Variants in PTPRD observed in about 807,000 individuals in gnomAD.
PTPRD encodes protein tyrosine phosphatase receptor type D.
Under a neutral mutation model 214.5 loss-of-function variants are expected in PTPRD, and 34 were observed. That is an observed-to-expected ratio of 0.16 (90% CI 0.12 to 0.21). The LOEUF (loss-of-function observed/expected upper bound fraction) is 0.21, where lower values mean the gene tolerates loss of function less well. Ranked by LOEUF, PTPRD falls within the 10% of genes least tolerant of loss-of-function variation. PTPRD has a pLI of 1.00. For missense variants in PTPRD, 2,545 were observed against 2,398.7 expected, an observed-to-expected ratio of 1.06 and a Z score of -1.27; for synonymous variants, 1,128 against 845.7, an observed-to-expected ratio of 1.33 and a Z score of -5.79.
chr9:9,068,566 A>T (rs753213468), intron 10 of PTPRD, among the ~76,000 whole-genome samples: 1 of 152,128 alleles, frequency 6.6e-6, no homozygotes, highest in Non-Finnish European at 1.5e-5. Flanking sequence ...CTAGGACACC[A>T]CATTAAAGTC....
chr9:8,807,006 A>G (rs1342958569), intron 11 of PTPRD, among the ~76,000 whole-genome samples: 3 of 152,188 alleles, frequency 2.0e-5, no homozygotes, highest in Non-Finnish European at 4.4e-5. Context: ...AGTGACAAAA[A>G]TATTTATGTT....
At chr9:10,141,332 G>A (rs996086812) in intron 3 of PTPRD, among the ~76,000 whole-genome samples, 131 of 152,244 alleles carry the variant, frequency 8.6e-4, no homozygotes, top group Non-Finnish European at 1.6e-3. Context: ...CAGACGACAT[G>A]ATTGTATATC....
intron 8 of PTPRD, among the ~76,000 whole-genome samples, chr9:9,523,721 A>G (rs1049910231): frequency 1.6e-4 from 25 of 151,676 alleles, no homozygotes; most frequent in African/African-American, 5.1e-4. Context: ...ACTATCTTCA[A>G]CCTCTGAGAC....
chr9:9,568,642 C>T (rs1349338256), intron 8 of PTPRD, among the ~76,000 whole-genome samples: 1 of 151,840 alleles, frequency 6.6e-6, no homozygotes, highest in Non-Finnish European at 1.5e-5. Context: ...TACATGCTTT[C>T]CTCTATGACG....
chr9:8,915,331 T>C (rs1402572261), intron 11 of PTPRD, among the ~76,000 whole-genome samples: 1 of 152,102 alleles, frequency 6.6e-6, no homozygotes, highest in Non-Finnish European at 1.5e-5. Flanking sequence ...ACAACACTAA[T>C]ATAAGTAAAA....
intron 8 of PTPRD, among the ~76,000 whole-genome samples, chr9:9,512,666 T>A (rs1276202427): frequency 6.6e-6 from 1 of 151,832 alleles, no homozygotes; most frequent in Non-Finnish European, 1.5e-5. Context: ...CTTAAAATTT[T>A]AAATATTAGG....
chr9:9,312,969 T>C (rs1569567280), intron 9 of PTPRD, among the ~76,000 whole-genome samples: 1 of 152,214 alleles, frequency 6.6e-6, no homozygotes, highest in Non-Finnish European at 1.5e-5. Flanking sequence ...CTACCATTAC[T>C]CATGGATTGA....
intron 10 of PTPRD, among the ~76,000 whole-genome samples, chr9:9,072,327 T>C (rs868296997): frequency 2.3e-4 from 30 of 130,368 alleles, no homozygotes; most frequent in Non-Finnish European, 4.0e-4. Flanking sequence ...ACACACTCCT[T>C]AATATTCCCA....
chr9:9,749,491 G>A (rs774363936), intron 6 of PTPRD, among the ~76,000 whole-genome samples: 2 of 152,064 alleles, frequency 1.3e-5, no homozygotes, highest in Admixed American at 1.3e-4. Context: ...TAAGAGCAGT[G>A]ATTATAATAA....
At chr9:8,860,805 AT>A (rs2098088223) in intron 11 of PTPRD, 2 of 152,310 alleles carry the variant, frequency 1.3e-5, no homozygotes, top group Admixed American at 1.3e-4. Context: ...GACCCTGAGA[AT>A]TTAAAATCAT....
chr9:8,655,177 T>C (rs1565026117), intron 12 of PTPRD, among the ~76,000 whole-genome samples: 1 of 152,190 alleles, frequency 6.6e-6, no homozygotes, highest in Non-Finnish European at 1.5e-5. Flanking sequence ...CTCAACTCTC[T>C]GGTTATCCAA....
At chr9:9,037,674 C>T (rs886791300) in intron 10 of PTPRD, among the ~76,000 whole-genome samples, 1 of 152,142 alleles carries the variant, frequency 6.6e-6, no homozygotes, top group African/African-American at 2.4e-5. Context: ...CCCTTCTTTA[C>T]AAGATTTATC....
chr9:10,479,737 G>A (rs1315756664), intron 2 of PTPRD, among the ~76,000 whole-genome samples: 1 of 151,986 alleles, frequency 6.6e-6, no homozygotes, highest in Non-Finnish European at 1.5e-5. Context: ...AGGTAAGGTC[G>A]CTTGAGCCCA....
intron 10 of PTPRD, among the ~76,000 whole-genome samples, chr9:9,140,800 G>A (rs777818341): frequency 2.0e-5 from 3 of 152,062 alleles, no homozygotes; most frequent in Non-Finnish European, 4.4e-5. Flanking sequence ...GGATGGTCTC[G>A]ATCTCCTGAC....
At chr9:10,045,097 G>A (rs1471379417) in intron 3 of PTPRD, among the ~76,000 whole-genome samples, 1 of 151,694 alleles carries the variant, frequency 6.6e-6, no homozygotes, top group African/African-American at 2.4e-5. Flanking sequence ...TCAAAATGAG[G>A]TCTGGTAATC....
intron 2 of PTPRD, among the ~76,000 whole-genome samples, chr9:10,351,826 C>CCTAGA (rs1385983866): frequency 6.6e-6 from 1 of 151,870 alleles, no homozygotes; most frequent in African/African-American, 2.4e-5. Flanking sequence ...ACATAATAGA[C>CCTAGA]ACATTCATTT....
intron 2 of PTPRD, among the ~76,000 whole-genome samples, chr9:10,436,794 T>A (rs1184234996): frequency 6.6e-6 from 1 of 151,770 alleles, no homozygotes; most frequent in Non-Finnish European, 1.5e-5. Flanking sequence ...CACGAGCTTG[T>A]CAAACATTCC....
chr9:10,110,121 C>A (rs1329417273), intron 3 of PTPRD, among the ~76,000 whole-genome samples: 1 of 152,106 alleles, frequency 6.6e-6, no homozygotes, highest in African/African-American at 2.4e-5. Context: ...GGGCAGAACA[C>A]CCTGACACAA....
chr9:9,660,277 C>T (rs2096597541), intron 7 of PTPRD, among the ~76,000 whole-genome samples: 1 of 151,922 alleles, frequency 6.6e-6, no homozygotes, highest in Non-Finnish European at 1.5e-5. Context: ...ACTGACATGG[C>T]TTGATTTACA....
Sources: gnomAD v4.1 joint callset for allele counts (sites outside exome capture counted in the v4.1 genomes callset) on GRCh38, gnomAD v4.1.1 for gene constraint, MANE v1.5 for transcripts, NCBI Gene and HGNC (gene_info 2026-07-23, HGNC 2026-07-21) for gene names.